ULK4: variants seen among roughly 807,000 people sequenced by gnomAD.
ULK4 encodes unc-51 like kinase 4.
In ULK4, 133 loss-of-function variants were observed where a neutral mutation model predicts 160.6. The ratio of observed to expected loss-of-function variants is 0.83; its 90% CI spans 0.72 to 0.96. The LOEUF is 0.96. Among genes scored for constraint, ULK4 ranks in the 40% least tolerant of loss-of-function variants. The probability of loss-of-function intolerance (pLI) is 0.00; values close to 1 mark genes in which losing one functional copy is unlikely to be tolerated. For synonymous variants in ULK4, 534 were observed against 539.8 expected, an observed-to-expected ratio of 0.99 and a Z score of 0.15; for missense variants, 1,580 against 1,499.5, an observed-to-expected ratio of 1.05 and a Z score of -0.89.
At chr3:41,407,110 G>GT (rs1559577186) in intron 34 of ULK4, among the ~76,000 whole-genome samples, 1 of 152,148 alleles carries the variant, frequency 6.6e-6, no homozygotes, top group Non-Finnish European at 1.5e-5. Flanking sequence ...GTAACAGAGA[G>GT]AAGAAAGCAG....
intron 21 of ULK4, among the ~76,000 whole-genome samples, chr3:41,770,902 G>A (rs985687630): frequency 6.6e-6 from 1 of 152,168 alleles, no homozygotes; most frequent in Non-Finnish European, 1.5e-5. Context: ...ACTTTTGAAA[G>A]GTGAATTTCT....
intron 29 of ULK4, among the ~76,000 whole-genome samples, chr3:41,669,031 A>G (rs902894422): frequency 1.3e-5 from 2 of 152,226 alleles, no homozygotes; most frequent in Non-Finnish European, 2.9e-5. Context: ...AACAAACCAC[A>G]GAAAAATGGA....
At chr3:41,958,225 T>C (rs938543765) in intron 1 of ULK4, among the ~76,000 whole-genome samples, 2 of 152,138 alleles carry the variant, frequency 1.3e-5, no homozygotes, top group Non-Finnish European at 2.9e-5. Context: ...CGCTGATACA[T>C]GGATAAGCAA....
intron 2 of ULK4, among the ~76,000 whole-genome samples, chr3:41,949,305 CACACACACAG>C (rs958013934): frequency 2.7e-5 from 4 of 150,214 alleles, no homozygotes; most frequent in African/African-American, 7.5e-5. Flanking sequence ...GAGACTCTGT[CACACACACAG>C]ACACACACAC....
intron 21 of ULK4, among the ~76,000 whole-genome samples, chr3:41,776,360 CA>C (rs1209719237): frequency 6.6e-6 from 1 of 150,514 alleles, no homozygotes; most frequent in African/African-American, 2.5e-5. Flanking sequence ...AACAAGATCA[CA>C]AAGACAGTTA....
At chr3:41,873,678 C>T (rs1346306412) in intron 17 of ULK4, among the ~76,000 whole-genome samples, 3 of 152,082 alleles carry the variant, frequency 2.0e-5, no homozygotes, top group Admixed American at 1.3e-4. Context: ...CTTAGTCTCT[C>T]GAGTAACTGA....
At chr3:41,562,938 G>A (rs2087647671) in intron 32 of ULK4, among the ~76,000 whole-genome samples, 1 of 152,174 alleles carries the variant, frequency 6.6e-6, no homozygotes, top group African/African-American at 2.4e-5. Flanking sequence ...GTTAATTGAT[G>A]TAATTTCTTC....
intron 32 of ULK4, among the ~76,000 whole-genome samples, chr3:41,484,811 G>A (rs1342191565): frequency 1.3e-5 from 2 of 152,112 alleles, no homozygotes; most frequent in Admixed American, 6.5e-5. Flanking sequence ...CGACCACCAC[G>A]TGATATCTGA....
chr3:41,877,181 G>A (rs1483041060), intron 17 of ULK4, among the ~76,000 whole-genome samples: 2 of 152,096 alleles, frequency 1.3e-5, no homozygotes, highest in African/African-American at 4.8e-5. Context: ...CGTTTTGACT[G>A]TACATATCAT....
chr3:41,474,628 A>G (rs2084085736), intron 32 of ULK4, among the ~76,000 whole-genome samples: 1 of 151,972 alleles, frequency 6.6e-6, no homozygotes, highest in Non-Finnish European at 1.5e-5. Context: ...TTAATATACA[A>G]AATATATATG....
intron 2 of ULK4, among the ~76,000 whole-genome samples, chr3:41,953,158 C>T (rs1286058191): frequency 6.6e-6 from 1 of 151,372 alleles, no homozygotes; most frequent in Non-Finnish European, 1.5e-5. Flanking sequence ...ACTTATTATC[C>T]CTAAACTGTA....
At chr3:41,711,748 T>G (rs996219736) in intron 25 of ULK4, among the ~76,000 whole-genome samples, 1 of 152,222 alleles carries the variant, frequency 6.6e-6, no homozygotes, top group African/African-American at 2.4e-5. Flanking sequence ...ATTAATCAAA[T>G]GCATTTTCAA....
At chr3:41,401,765 T>C (rs887138530) in intron 34 of ULK4, among the ~76,000 whole-genome samples, 19 of 152,178 alleles carry the variant, frequency 1.2e-4, no homozygotes, top group African/African-American at 4.6e-4. Context: ...CAATCAGTTA[T>C]ACAAGGGATA....
intron 32 of ULK4, among the ~76,000 whole-genome samples, chr3:41,512,331 C>T (rs2085606918): frequency 6.6e-6 from 1 of 152,152 alleles, no homozygotes; most frequent in Admixed American, 6.5e-5. Flanking sequence ...AAGATAAAGT[C>T]AAACTGTCGC....
intron 32 of ULK4, among the ~76,000 whole-genome samples, chr3:41,561,972 T>A (rs749200187): frequency 2.0e-5 from 3 of 152,208 alleles, no homozygotes; most frequent in African/African-American, 2.4e-5. Context: ...ATTTTAGATC[T>A]TTTCTGCTTT....
chr3:41,272,282 T>G (rs2125687002), intron 35 of ULK4, among the ~76,000 whole-genome samples: 1 of 152,054 alleles, frequency 6.6e-6, no homozygotes, highest in South Asian at 2.1e-4. Flanking sequence ...AGTCTGCTGG[T>G]AATAAATTAC....
chr3:41,787,293 C>A (rs2040024784), intron 21 of ULK4, among the ~76,000 whole-genome samples: 1 of 152,268 alleles, frequency 6.6e-6, no homozygotes, highest in East Asian at 1.9e-4. Flanking sequence ...AATGTTTCCC[C>A]AGTGATGAGG....
intron 35 of ULK4, among the ~76,000 whole-genome samples, chr3:41,312,633 GA>G (rs942844274): frequency 6.7e-6 from 1 of 148,588 alleles, no homozygotes; most frequent in Non-Finnish European, 1.5e-5. Flanking sequence ...CATCTCTACA[GA>G]AAAAAAACAA....
intron 16 of ULK4, among the ~76,000 whole-genome samples, chr3:41,884,595 T>C (rs1697650492): frequency 1.3e-5 from 2 of 152,210 alleles, no homozygotes; most frequent in South Asian, 4.1e-4. Flanking sequence ...AAACAAATGG[T>C]GAGTTGATGA....
Sources: allele counts gnomAD v4.1 joint callset (sites outside exome capture counted in the v4.1 genomes callset), GRCh38; gene constraint gnomAD v4.1.1; transcripts MANE v1.5; gene names NCBI Gene and HGNC (gene_info 2026-07-23, HGNC 2026-07-21).